The following PAK5 variants were observed in gnomAD, a reference collection of about 807,000 sequenced individuals.
PAK5 encodes the protein serine/threonine-protein kinase PAK 5.
In PAK5, 16 loss-of-function variants were observed where a neutral mutation model predicts 65.9. That is an observed-to-expected ratio of 0.24 (90% CI 0.16 to 0.37). The LOEUF is 0.37. PAK5 is among the 10% of genes least tolerant of loss of function. The probability of loss-of-function intolerance (pLI) is 1.00; values close to 1 mark genes in which losing one functional copy is unlikely to be tolerated. For synonymous variants in PAK5, 371 were observed against 354.9 expected (o/e 1.05, Z -0.51); for missense variants, 785 against 903.9 (o/e 0.87, Z 1.69).
chr20:9,739,926 C>A (rs1435780256), intron 1 of PAK5, among the ~76,000 whole-genome samples: 1 of 152,174 alleles, frequency 6.6e-6, no homozygotes, highest in African/African-American at 2.4e-5. Flanking sequence ...CAGGTCGTCA[C>A]TGAAGCAGTC....
intron 4 of PAK5, among the ~76,000 whole-genome samples, chr20:9,572,605 C>T (rs2122973531): frequency 6.6e-6 from 1 of 152,274 alleles, no homozygotes; most frequent in East Asian, 1.9e-4. Flanking sequence ...TTAGTGAAAA[C>T]ACAATGCAGT....
intron 1 of PAK5, among the ~76,000 whole-genome samples, chr20:9,829,988 T>C (rs565150350): frequency 4.2e-4 from 64 of 152,080 alleles, no homozygotes; most frequent in Non-Finnish European, 8.2e-4. Context: ...CCACCAACAG[T>C]CTTTTTTCAA....
At chr20:9,732,222 T>G (rs1177734398) in intron 1 of PAK5, among the ~76,000 whole-genome samples, 1 of 152,160 alleles carries the variant, frequency 6.6e-6, no homozygotes, top group Admixed American at 6.5e-5. Context: ...GCTTAAGTAC[T>G]CTAACATCAA....
chr20:9,817,468 C>T (rs1239158052), intron 1 of PAK5, among the ~76,000 whole-genome samples: 1 of 151,928 alleles, frequency 6.6e-6, no homozygotes, highest in East Asian at 1.9e-4. Context: ...GATAGCAGGC[C>T]AAACAAAATA....
chr20:9,542,035 T>A lies in PAK5; in HGVS notation c.2004+551A>T, dbSNP rs113681736. ...TTGTAAATTACTCAGTCTTGGGTATTTCTTTATAGTAGTGTAAAAACAGAC... is the reference window on the plus strand; with the variant it reads ...TTGTAAATTACTCAGTCTTGGGTATATCTTTATAGTAGTGTAAAAACAGAC... On this transcript the variant is annotated intron_variant, in intron 9 of 9. Transcript: ENST00000353224. 8.5e-3 allele frequency among the ~76,000 whole-genome samples: 1,299 copies of A among 152,326 alleles called. 9 individuals are homozygous for A. Among genetic ancestry groups the A allele is most frequent in the African/African-American group, 0.03 (1,228 of 41,560 alleles).
chr20:9,790,234 C>T (rs1394871555), intron 1 of PAK5, among the ~76,000 whole-genome samples: 2 of 152,036 alleles, frequency 1.3e-5, no homozygotes, highest in Admixed American at 1.3e-4. Context: ...CAATACAAAC[C>T]TTATTGGTGC....
intron 1 of PAK5, among the ~76,000 whole-genome samples, chr20:9,762,224 A>G (rs6118720): frequency 0.04 from 6,151 of 152,214 alleles, 411 homozygotes; most frequent in African/African-American, 0.14. Flanking sequence ...TGGATATAGC[A>G]CCCAAAGCAT....
intron 4 of PAK5, among the ~76,000 whole-genome samples, chr20:9,570,701 C>T (rs1345861037): frequency 6.6e-6 from 1 of 152,166 alleles, no homozygotes; most frequent in Non-Finnish European, 1.5e-5. Context: ...CCATTATCAC[C>T]CTGTGTCTTC....
chr20:9,564,689 A>G (rs574636634), intron 5 of PAK5, among the ~76,000 whole-genome samples: 1 of 152,128 alleles, frequency 6.6e-6, no homozygotes, highest in Admixed American at 6.5e-5. Flanking sequence ...ACTTCTAGGA[A>G]TCTAATAAAT....
intron 7 of PAK5, among the ~76,000 whole-genome samples, chr20:9,553,816 G>T (rs1275346629): frequency 6.6e-6 from 1 of 152,138 alleles, no homozygotes; most frequent in Non-Finnish European, 1.5e-5. Context: ...ATAAACATTT[G>T]TGTACATGTT....
intron 3 of PAK5, among the ~76,000 whole-genome samples, chr20:9,642,493 A>G (rs1214764636): frequency 6.6e-6 from 1 of 152,208 alleles, no homozygotes; most frequent in Non-Finnish European, 1.5e-5. Flanking sequence ...GATAAATAGT[A>G]GAAGACTTTT....
At chr20:9,741,593 TA>T (rs2048451793) in intron 1 of PAK5, among the ~76,000 whole-genome samples, 1 of 152,142 alleles carries the variant, frequency 6.6e-6, no homozygotes, top group Admixed American at 6.5e-5. Flanking sequence ...TTTTCATCTA[TA>T]AATTAAAGAT....
chr20:9,723,518 C>A (rs2048241554), intron 1 of PAK5, among the ~76,000 whole-genome samples: 1 of 152,024 alleles, frequency 6.6e-6, no homozygotes, highest in Non-Finnish European at 1.5e-5. Flanking sequence ...TGCTTTTTAC[C>A]AGGTAACATT....
chr20:9,696,940 A>G (rs907181616), intron 2 of PAK5, among the ~76,000 whole-genome samples: 7 of 152,106 alleles, frequency 4.6e-5, no homozygotes, highest in Non-Finnish European at 1.0e-4. Context: ...AGTTCTCAAT[A>G]AACATTTGTT....
At chr20:9,570,221 C>T (rs1185741214) in intron 4 of PAK5, among the ~76,000 whole-genome samples, 1 of 152,084 alleles carries the variant, frequency 6.6e-6, no homozygotes, top group Non-Finnish European at 1.5e-5. Context: ...ATATAAAATG[C>T]TTAGCACAGT....
At chr20:9,828,450 T>C (rs1978450485) in intron 1 of PAK5, among the ~76,000 whole-genome samples, 1 of 152,310 alleles carries the variant, frequency 6.6e-6, no homozygotes, top group Non-Finnish European at 1.5e-5. Flanking sequence ...TCAGTGTTTT[T>C]ATTTTTAGAA....
intron 1 of PAK5, among the ~76,000 whole-genome samples, chr20:9,810,861 A>G (rs1042676057): frequency 5.9e-5 from 9 of 152,208 alleles, no homozygotes; most frequent in Admixed American, 5.9e-4. Context: ...ATAGACACAT[A>G]GACATATATA....
Position 9,705,179 on chromosome 20 carries a change from C to T in PAK5, c.-12+6107G>A, listed in dbSNP as rs138728954. ...GCCATCACTGCTGCTGTTGAGAGACCCTAACCTAAGTACTGGAAAAATCAA... is the reference window on the plus strand; with the variant it reads ...GCCATCACTGCTGCTGTTGAGAGACTCTAACCTAAGTACTGGAAAAATCAA... On this transcript the variant is annotated intron_variant, in intron 2 of 9. Coordinates refer to ENST00000353224, the MANE Select transcript of PAK5 (RefSeq NM_177990.4). 5.0e-4 allele frequency among the ~76,000 whole-genome samples: 76 copies of T among 151,982 alleles called. No homozygotes were observed. In the East Asian group the frequency reaches 0.014, roughly 27 times the overall value.
chr20:9,680,172 T>C (rs2048522155), intron 2 of PAK5, among the ~76,000 whole-genome samples: 1 of 152,230 alleles, frequency 6.6e-6, no homozygotes, highest in South Asian at 2.1e-4. Flanking sequence ...TTAGGTGTCA[T>C]GTGCCAGGTG....
Sources: gnomAD v4.1 joint callset for allele counts (sites outside exome capture counted in the v4.1 genomes callset) on GRCh38, gnomAD v4.1.1 for gene constraint, MANE v1.5 for transcripts, NCBI Gene and HGNC (gene_info 2026-07-23, HGNC 2026-07-21) for gene names.